The following CCDC91 variants were observed in gnomAD, a reference collection of about 807,000 sequenced individuals.
CCDC91 encodes the protein coiled-coil domain-containing protein 91.
Under a neutral mutation model 63.2 loss-of-function variants are expected in CCDC91, and 48 were observed. The observed-to-expected ratio is 0.76, with a 90% CI of 0.60 to 0.97. The LOEUF is 0.97. Ranked by LOEUF, CCDC91 falls within the 50% of genes least tolerant of loss-of-function variation. The probability of loss-of-function intolerance (pLI) is 0.00; values close to 1 mark genes in which losing one functional copy is unlikely to be tolerated. For synonymous variants in CCDC91, 167 were observed against 165.8 expected, an observed-to-expected ratio of 1.01 and a Z score of -0.06; for missense variants, 500 against 494.6, an observed-to-expected ratio of 1.01 and a Z score of -0.10.
At chr12:28,266,878 G>A (rs1316175062) in intron 3 of CCDC91, among the ~76,000 whole-genome samples, 7 of 151,028 alleles carry the variant, frequency 4.6e-5, no homozygotes, top group Admixed American at 6.6e-5. Flanking sequence ...AGCGCCCCCC[G>A]CCCCACCAAA....
intron 6 of CCDC91, among the ~76,000 whole-genome samples, chr12:28,310,509 C>A (rs1939211643): frequency 6.6e-6 from 1 of 151,932 alleles, no homozygotes; most frequent in Non-Finnish European, 1.5e-5. Context: ...CATTTTAGGA[C>A]CTATAGGCTT....
At chr12:28,374,563 G>A (rs1944827634) in intron 7 of CCDC91, among the ~76,000 whole-genome samples, 1 of 151,964 alleles carries the variant, frequency 6.6e-6, no homozygotes, top group Non-Finnish European at 1.5e-5. Flanking sequence ...ATATCCTAAA[G>A]CACATTTTTA....
intron 1 of CCDC91, among the ~76,000 whole-genome samples, chr12:28,253,778 A>G (rs1485864551): frequency 1.3e-5 from 2 of 152,206 alleles, no homozygotes; most frequent in Non-Finnish European, 2.9e-5. Flanking sequence ...TTGATGTGCC[A>G]TTTGACATTT....
At chr12:28,224,187 C>A (rs1035467396) in intron 1 of CCDC91, among the ~76,000 whole-genome samples, 7 of 152,066 alleles carry the variant, frequency 4.6e-5, no homozygotes, top group Admixed American at 2.0e-4. Context: ...TTGAGAAAAA[C>A]CAACTCCAGG....
intron 7 of CCDC91, among the ~76,000 whole-genome samples, chr12:28,374,650 G>A (rs1944833364): frequency 1.3e-5 from 2 of 152,180 alleles, no homozygotes; most frequent in East Asian, 1.9e-4. Context: ...GTGATCAGCT[G>A]TTTCTGATTT....
Position 28,282,186 on chromosome 12 carries a change from G to A in CCDC91, c.109+22744G>A, listed in dbSNP as rs560223177. Among the ~76,000 whole-genome samples, 18 of 152,052 alleles carry A rather than the reference G, an allele frequency of 1.2e-4. No individual in the cohort carries two copies. The East Asian group carries it at 2.9e-3, about 25-fold the overall frequency. ...AATGCGTTTTATTTTTCTTACCTTC[G>A]ATAATTTCCACCATCCTACCAATAC... On this transcript the variant is annotated intron_variant, in intron 3 of 12. Transcript: ENST00000536442.
intron 6 of CCDC91, among the ~76,000 whole-genome samples, chr12:28,343,784 GT>G (rs982750856): frequency 6.6e-6 from 1 of 152,112 alleles, no homozygotes; most frequent in Admixed American, 6.5e-5. Flanking sequence ...TAGAAATAAT[GT>G]ATCATCTGAC....
chr12:28,267,697 TTA>T (rs1386252630), intron 3 of CCDC91, among the ~76,000 whole-genome samples: 1 of 118,744 alleles, frequency 8.4e-6, no homozygotes, highest in Non-Finnish European at 1.6e-5. Context: ...AAATTATTTA[TTA>T]TATATAATTA....
chr12:28,532,449 C>CTA (rs1159776950), intron 12 of CCDC91, among the ~76,000 whole-genome samples: 1 of 151,698 alleles, frequency 6.6e-6, no homozygotes, highest in Admixed American at 6.6e-5. Flanking sequence ...TTTTAAATAT[C>CTA]TATATATATT....
chr12:28,239,051 C>T (rs569776577), intron 1 of CCDC91, among the ~76,000 whole-genome samples: 186 of 150,584 alleles, frequency 1.2e-3, no homozygotes, highest in African/African-American at 4.1e-3. Context: ...ACCCAGGAGG[C>T]GGAGGTTGCA....
At chr12:28,501,467 T>G (rs2141131845) in intron 12 of CCDC91, among the ~76,000 whole-genome samples, 1 of 152,170 alleles carries the variant, frequency 6.6e-6, no homozygotes, top group South Asian at 2.1e-4. Flanking sequence ...GACATAATCA[T>G]GTGGTTTTTG....
At chr12:28,393,227 A>C (rs1366153230) in intron 8 of CCDC91, among the ~76,000 whole-genome samples, 2 of 152,100 alleles carry the variant, frequency 1.3e-5, no homozygotes, top group Non-Finnish European at 2.9e-5. Flanking sequence ...TCTACAAAAT[A>C]TTGGGAGCCC....
intron 10 of CCDC91, among the ~76,000 whole-genome samples, chr12:28,452,150 C>T (rs1201594547): frequency 6.6e-6 from 1 of 150,838 alleles, no homozygotes; most frequent in Non-Finnish European, 1.5e-5. Flanking sequence ...TACATATGAT[C>T]AACATAAACA....
chr12:28,202,273 GA>G (rs1284089194), intron 1 of CCDC91, among the ~76,000 whole-genome samples: 3 of 152,114 alleles, frequency 2.0e-5, no homozygotes, highest in Non-Finnish European at 2.9e-5. Flanking sequence ...CTTCCTTAGG[GA>G]CAATTAACTG....
chr12:28,259,535 C>T, intron 3 of CCDC91, 93 bp downstream of exon 3: 1 of 757,262 alleles, frequency 1.3e-6, no homozygotes, highest in Non-Finnish European at 2.2e-6. Flanking sequence ...AACTTTTTTA[C>T]TTGTCCTTCA....
chr12:28,434,390 G>A (rs547182729), intron 8 of CCDC91, among the ~76,000 whole-genome samples: 2 of 150,784 alleles, frequency 1.3e-5, no homozygotes, highest in Non-Finnish European at 3.0e-5. Flanking sequence ...TTCCTCTTTA[G>A]CTGTCCATGT....
chr12:28,450,235 G>T lies in CCDC91; in HGVS notation c.837G>T (p.Gln279His), dbSNP rs779543081. ...LKEKIKEALI[Q>H]QSQEQKEILE... ...AAAAAATAAAGGAAGCTTTGATTCA[G>T]CAATCTCAAGAACAGAAGGTAATAC... Residue 279 changes from glutamine to histidine, a missense_variant, in exon 9 of 13, where the codon CAG (glutamine) becomes CAT (histidine). Transcript: ENST00000536442. 1 of 1,607,874 alleles carries T rather than the reference G, an allele frequency of 6.2e-7. No individual in the cohort carries two copies. Among genetic ancestry groups the T allele is most frequent in the Admixed American group, 1.7e-5 (1 of 59,820 alleles).
intron 6 of CCDC91, among the ~76,000 whole-genome samples, chr12:28,356,581 C>T (rs564303279): frequency 2.0e-5 from 3 of 152,258 alleles, no homozygotes; most frequent in African/African-American, 7.2e-5. Flanking sequence ...CTGCCTTCTC[C>T]AATACAGTGG....
chr12:28,291,341 C>T (rs1949234629), intron 3 of CCDC91, among the ~76,000 whole-genome samples: 1 of 152,146 alleles, frequency 6.6e-6, no homozygotes. Flanking sequence ...TCAATTCGTT[C>T]AACTTTTGAA....
Sources: gnomAD v4.1 joint callset for allele counts (sites outside exome capture counted in the v4.1 genomes callset) on GRCh38, gnomAD v4.1.1 for gene constraint, MANE v1.5 for transcripts, NCBI Gene and HGNC (gene_info 2026-07-23, HGNC 2026-07-21) for gene names.